Variants in CNTNAP5 observed in about 807,000 individuals in gnomAD.
CNTNAP5 encodes the protein contactin-associated protein-like 5.
A neutral mutation model predicts 150.2 loss-of-function variants in CNTNAP5; 72 were observed. The observed-to-expected ratio is 0.48, with a 90% confidence interval of 0.40 to 0.58. The LOEUF is 0.58. CNTNAP5 is among the 20% of genes least tolerant of loss of function. The pLI is 0.00. For missense variants in CNTNAP5, 1,636 were observed against 1,626.2 expected, an observed-to-expected ratio of 1.01 and a Z score of -0.10; for synonymous variants, 672 against 619.8, an observed-to-expected ratio of 1.08 and a Z score of -1.25.
chr2:124,533,859 A>C (rs1695171813), intron 10 of CNTNAP5, among the ~76,000 whole-genome samples: 1 of 152,322 alleles, frequency 6.6e-6, no homozygotes, highest in Non-Finnish European at 1.5e-5. Flanking sequence ...ACAGCTGCTG[A>C]CAAGCATAAC....
chr2:124,079,412 G>A (rs777736156), intron 1 of CNTNAP5, among the ~76,000 whole-genome samples: 4 of 152,156 alleles, frequency 2.6e-5, no homozygotes, highest in East Asian at 3.9e-4. Flanking sequence ...GCACAGTGGT[G>A]TGCCCTGCTG....
chr2:124,271,691 A>C (rs1340804174), intron 3 of CNTNAP5, among the ~76,000 whole-genome samples: 3 of 115,616 alleles, frequency 2.6e-5, no homozygotes, highest in Admixed American at 9.3e-5. Context: ...CTATCTATCT[A>C]TCTATCTATC....
intron 11 of CNTNAP5, among the ~76,000 whole-genome samples, chr2:124,586,189 G>T (rs1370240516): frequency 6.6e-6 from 1 of 152,146 alleles, no homozygotes; most frequent in Non-Finnish European, 1.5e-5. Context: ...CAATACCAAA[G>T]CCAAGGATCA....
At chr2:124,366,769 T>C (rs114686947) in intron 3 of CNTNAP5, among the ~76,000 whole-genome samples, 6,777 of 152,246 alleles carry the variant, frequency 0.045, 215 homozygotes, top group Non-Finnish European at 0.07. Context: ...GGAGAGCCCT[T>C]CAAATTTGTC....
intron 3 of CNTNAP5, among the ~76,000 whole-genome samples, chr2:124,304,099 G>A (rs892011602): frequency 1.1e-4 from 16 of 152,112 alleles, no homozygotes; most frequent in African/African-American, 3.1e-4. Context: ...TAGGTCCTAG[G>A]GAGATATGAT....
intron 3 of CNTNAP5, among the ~76,000 whole-genome samples, chr2:124,352,210 T>A (rs1318809812): frequency 1.3e-5 from 2 of 152,158 alleles, no homozygotes; most frequent in Non-Finnish European, 2.9e-5. Context: ...GATTCGTTTT[T>A]CTATGACACA....
At chr2:124,041,266 G>A (rs905233408) in intron 1 of CNTNAP5, among the ~76,000 whole-genome samples, 9 of 152,094 alleles carry the variant, frequency 5.9e-5, no homozygotes, top group Non-Finnish European at 1.0e-4. Context: ...ATTTTTGTTG[G>A]CAAATTCAAT....
At chr2:124,411,406 C>T (rs1421171678) in intron 3 of CNTNAP5, among the ~76,000 whole-genome samples, 1 of 151,924 alleles carries the variant, frequency 6.6e-6, no homozygotes, top group Non-Finnish European at 1.5e-5. Flanking sequence ...GATACCAAAG[C>T]CAGGCAGAGA....
chr2:124,051,310 C>G (rs1286491772), intron 1 of CNTNAP5, among the ~76,000 whole-genome samples: 2 of 152,140 alleles, frequency 1.3e-5, no homozygotes, highest in Non-Finnish European at 2.9e-5. Flanking sequence ...GATGCAGGCT[C>G]CACTCTAATT....
intron 11 of CNTNAP5, among the ~76,000 whole-genome samples, chr2:124,601,208 T>G (rs1304202881): frequency 6.6e-6 from 1 of 152,166 alleles, no homozygotes; most frequent in African/African-American, 2.4e-5. Context: ...GGGTAAGGTA[T>G]GAAAACATTT....
At chr2:124,152,661 A>G (rs1023877975) in intron 1 of CNTNAP5, among the ~76,000 whole-genome samples, 1 of 152,132 alleles carries the variant, frequency 6.6e-6, no homozygotes, top group Non-Finnish European at 1.5e-5. Context: ...CAGAAGGTAG[A>G]GAGGAATGAG....
At chr2:124,544,920 A>G (rs774295372) in intron 10 of CNTNAP5, among the ~76,000 whole-genome samples, 2 of 152,146 alleles carry the variant, frequency 1.3e-5, no homozygotes, top group African/African-American at 2.4e-5. Flanking sequence ...CCTTCTCCCA[A>G]AGACAATTAC....
At chr2:124,082,715 AAT>A (rs1682588176) in intron 1 of CNTNAP5, among the ~76,000 whole-genome samples, 2 of 152,212 alleles carry the variant, frequency 1.3e-5, no homozygotes, top group Non-Finnish European at 2.9e-5. Flanking sequence ...ATACTTTTTA[AAT>A]AATCTGTCAA....
At chr2:124,414,672 C>T (rs573472701) in intron 3 of CNTNAP5, among the ~76,000 whole-genome samples, 1 of 152,112 alleles carries the variant, frequency 6.6e-6, no homozygotes, top group African/African-American at 2.4e-5. Context: ...TAATCTGGAG[C>T]ATGCGATCAA....
intron 2 of CNTNAP5, among the ~76,000 whole-genome samples, chr2:124,228,743 G>T (rs1377384850): frequency 6.6e-6 from 1 of 152,088 alleles, no homozygotes; most frequent in Non-Finnish European, 1.5e-5. Context: ...ATTTATTACA[G>T]TAATTAGTGA....
intron 3 of CNTNAP5, among the ~76,000 whole-genome samples, chr2:124,346,214 G>C (rs996120383): frequency 6.6e-6 from 1 of 152,182 alleles, no homozygotes; most frequent in Non-Finnish European, 1.5e-5. Flanking sequence ...TTGAGAGTGA[G>C]CAAAAGGGTA....
chr2:124,276,821 A>G (rs1687894081), intron 3 of CNTNAP5, among the ~76,000 whole-genome samples: 1 of 152,188 alleles, frequency 6.6e-6, no homozygotes, highest in Non-Finnish European at 1.5e-5. Flanking sequence ...GAGTAAACAT[A>G]TTAAAACCCA....
intron 13 of CNTNAP5, among the ~76,000 whole-genome samples, chr2:124,715,922 A>T (rs756141990): frequency 4.6e-5 from 7 of 152,182 alleles, no homozygotes; most frequent in African/African-American, 1.4e-4. Context: ...TATAAGCTTA[A>T]TTCTTCTCAA....
chr2:124,341,592 G>C (rs74449735), intron 3 of CNTNAP5, among the ~76,000 whole-genome samples: 88 of 152,260 alleles, frequency 5.8e-4, no homozygotes, highest in African/African-American at 1.5e-3. Context: ...TGTTTACAGA[G>C]CTCCCATCAC....
Sources: gnomAD v4.1 joint callset for allele counts (sites outside exome capture counted in the v4.1 genomes callset) on GRCh38, gnomAD v4.1.1 for gene constraint, MANE v1.5 for transcripts, NCBI Gene and HGNC (gene_info 2026-07-23, HGNC 2026-07-21) for gene names.